Variants in ATP13A4 observed in about 807,000 individuals in gnomAD.
The protein encoded by ATP13A4 is ATPase 13A4, also known as probable cation-transporting ATPase 13A4.
Under a neutral mutation model 142.5 loss-of-function variants are expected in ATP13A4, and 114 were observed. That is an observed-to-expected ratio of 0.80 (90% CI 0.69 to 0.93). The LOEUF (loss-of-function observed/expected upper bound fraction) is 0.93. Among genes scored for constraint, ATP13A4 ranks in the 40% least tolerant of loss-of-function variants. ATP13A4 has a pLI of 0.00. For synonymous variants in ATP13A4, 488 were observed against 514.8 expected, an observed-to-expected ratio of 0.95 and a Z score of 0.70; for missense variants, 1,392 against 1,454.0, an observed-to-expected ratio of 0.96 and a Z score of 0.69.
At chr3:193,561,593 A>T (rs1724018431) in intron 2 of ATP13A4, among the ~76,000 whole-genome samples, 1 of 152,146 alleles carries the variant, frequency 6.6e-6, no homozygotes, top group Non-Finnish European at 1.5e-5. Flanking sequence ...TGGTAATGGG[A>T]AATGTTATTT....
At position 193,439,057 on chromosome 3, in the gene ATP13A4, A is replaced by G. The variant is rs746685890; in HGVS notation, c.2528T>C (p.Val843Ala). ...VEEFQKLDYF[V>A]GMCGDGANDC... ...ATTGGCTCCATCACCACACATACCTACAAAGTAACTAAGAGGGAACCACAT... is the reference window on the plus strand; with the variant it reads ...ATTGGCTCCATCACCACACATACCTGCAAAGTAACTAAGAGGGAACCACAT... The change falls in exon 22 of 30, where the codon GTA becomes GCA. Residue 843 changes from valine (V) to alanine (A), a missense_variant. By Grantham distance (64) the Val-to-Ala change is moderately conservative. Coordinates refer to ENST00000342695, the MANE Select transcript of ATP13A4 (RefSeq NM_032279.4). 1 of 1,607,626 alleles carries G rather than the reference A, an allele frequency of 6.2e-7. No individual in the cohort carries two copies. Among genetic ancestry groups the G allele is most frequent in the South Asian group, 1.1e-5 (1 of 90,952 alleles).
intron 2 of ATP13A4, among the ~76,000 whole-genome samples, chr3:193,512,730 A>G (rs1424735274): frequency 6.6e-6 from 1 of 152,170 alleles, no homozygotes; most frequent in East Asian, 1.9e-4. Context: ...GTCTAAGTAC[A>G]GTGCAATGGA....
chr3:193,561,399 C>T (rs960637222), intron 2 of ATP13A4, among the ~76,000 whole-genome samples: 5 of 152,140 alleles, frequency 3.3e-5, no homozygotes, highest in African/African-American at 1.2e-4. Flanking sequence ...CAAAAGTCCA[C>T]TTAGGATTAT....
At chr3:193,438,616 T>C (rs775046579) in intron 22 of ATP13A4, 32 bp from the exon 23 acceptor site, 6 of 1,552,518 alleles carry the variant, frequency 3.9e-6, no homozygotes, top group African/African-American at 2.7e-5. Flanking sequence ...ACTCCTCACA[T>C]AGACTCACGT....
At chr3:193,491,275 G>T in intron 6 of ATP13A4, 54 bp downstream of exon 6, 1 of 1,366,082 alleles carries the variant, frequency 7.3e-7, no homozygotes, top group Non-Finnish European at 1.0e-6. Context: ...TTTCACTAGA[G>T]CCAAACTTCC....
intron 16 of ATP13A4, among the ~76,000 whole-genome samples, chr3:193,454,952 C>A (rs1388975875): frequency 6.6e-6 from 1 of 152,058 alleles, no homozygotes; most frequent in Non-Finnish European, 1.5e-5. Flanking sequence ...AAAATTTTTG[C>A]AAACTATGCA....
intron 2 of ATP13A4, among the ~76,000 whole-genome samples, chr3:193,571,324 T>G (rs1475939405): frequency 8.1e-6 from 1 of 123,868 alleles, no homozygotes; most frequent in African/African-American, 3.5e-5. Context: ...GAGATACAAA[T>G]AAACAATTGA....
intron 28 of ATP13A4, among the ~76,000 whole-genome samples, chr3:193,408,032 G>A (rs2108600847): frequency 6.6e-6 from 1 of 152,358 alleles, no homozygotes; most frequent in East Asian, 1.9e-4. Flanking sequence ...TTTTCTCTGT[G>A]TCTTCCCCAA....
At chr3:193,496,801 A>AATAC (rs1343689314) in intron 3 of ATP13A4, among the ~76,000 whole-genome samples, 4 of 36,748 alleles carry the variant, frequency 1.1e-4, no homozygotes, top group African/African-American at 2.9e-4. Context: ...AAAATACATA[A>AATAC]ATAAATAAAT....
chr3:193,579,847 A>T (rs1484446388), intron 2 of ATP13A4, among the ~76,000 whole-genome samples: 1 of 152,092 alleles, frequency 6.6e-6, no homozygotes, highest in Non-Finnish European at 1.5e-5. Flanking sequence ...GCCAAGCACT[A>T]CTCTAAGTGC....
In ATP13A4 at chr3:193,479,503, G is replaced by A. The variant is rs1015251962; in HGVS notation, c.808+4433C>T. Among the ~76,000 whole-genome samples the A allele has an allele frequency of 8.6e-5, 13 of 151,982 alleles. 1 individual carries two copies. Among genetic ancestry groups the A allele is most frequent in the Non-Finnish European group, 1.9e-4 (13 of 67,932 alleles). Reference sequence around the variant, plus strand: ...CCAAGCTGAGAAAAAAGTCAAGAACGCAACCTCTTTTCTAATAGCTGCAAA... The same window carrying A: ...CCAAGCTGAGAAAAAAGTCAAGAACACAACCTCTTTTCTAATAGCTGCAAA... On this transcript the variant is annotated intron_variant, in intron 8 of 29. Coordinates refer to ENST00000342695, the MANE Select transcript of ATP13A4 (RefSeq NM_032279.4).
chr3:193,516,319 C>A (rs75167638), intron 1 of ATP13A4, among the ~76,000 whole-genome samples: 2,016 of 152,272 alleles, frequency 0.013, 19 homozygotes, highest in Middle Eastern at 0.061. Flanking sequence ...CATACAGGTG[C>A]CGAATGGCTT....
At chr3:193,476,281 T>C (rs929114677) in intron 8 of ATP13A4, among the ~76,000 whole-genome samples, 2 of 152,124 alleles carry the variant, frequency 1.3e-5, no homozygotes, top group African/African-American at 4.8e-5. Flanking sequence ...TTTTTATGTA[T>C]GGAGATGGCT....
chr3:193,467,452 G>A lies in ATP13A4; in HGVS notation c.978C>T (p.Pro326=). The A allele has an allele frequency of 6.2e-7, 1 of 1,613,774 alleles. No individual in the cohort carries two copies. Among genetic ancestry groups the A allele is most frequent in the East Asian group, 2.2e-5 (1 of 44,870 alleles). The part of the protein sequence containing the change: ...ESIPVTKTPL[P]KMDSSVPWKT... The stretch of plus-strand genomic sequence containing the variant: ...TCCAGGGCACAGAGCTATCCATCTT[G>A]GGTAACGGAGTTTTGGTGACTGGAA... The change falls in exon 10 of 30, where the codon CCC becomes CCT. Residue 326 remains proline, a synonymous_variant. Transcript: ENST00000342695.
At chr3:193,507,644 A>T (rs965321971) in intron 2 of ATP13A4, among the ~76,000 whole-genome samples, 1 of 152,038 alleles carries the variant, frequency 6.6e-6, no homozygotes, top group African/African-American at 2.4e-5. Flanking sequence ...TTTTGGAGGG[A>T]TGGGATTTGG....
At chr3:193,418,993 A>C (rs1304663680) in intron 25 of ATP13A4, 1 of 150,234 alleles carries the variant, frequency 6.7e-6, no homozygotes, top group African/African-American at 2.5e-5. Flanking sequence ...CCACTGTACC[A>C]TGTCCTCTAG....
Position 193,573,757 on chromosome 3 carries a change from C to A in ATP13A4, n.291+7950G>T, listed in dbSNP as rs1724337227. 1.3e-5 allele frequency among the ~76,000 whole-genome samples: 2 copies of A among 152,168 alleles called. 1 individual carries two copies. Among genetic ancestry groups the A allele is most frequent in the South Asian group, 4.1e-4 (2 of 4,824 alleles). On this transcript the variant is annotated intron_variant and non_coding_transcript_variant, in intron 2 of 3. Coordinates refer to the ATP13A4 transcript ENST00000489140. The stretch of plus-strand genomic sequence containing the variant: ...ATCAAATCCCAGCTCTTATATCATT[C>A]ATTCTTCCAAAATCGATTATTTATA...
chr3:193,411,840 G>A (rs568788731), intron 27 of ATP13A4, among the ~76,000 whole-genome samples: 2 of 152,274 alleles, frequency 1.3e-5, no homozygotes, highest in Admixed American at 6.5e-5. Flanking sequence ...GTTCTGTTAC[G>A]CTTCTCTCCA....
chr3:193,464,112 G>C (rs552826913), intron 12 of ATP13A4, among the ~76,000 whole-genome samples: 15 of 152,298 alleles, frequency 9.8e-5, no homozygotes, highest in African/African-American at 3.6e-4. Context: ...ATTAAAGAAA[G>C]AAGTCAACAA....
Sources: gnomAD v4.1 joint callset for allele counts (sites outside exome capture counted in the v4.1 genomes callset) on GRCh38, gnomAD v4.1.1 for gene constraint, MANE v1.5 for transcripts, NCBI Gene and HGNC (gene_info 2026-07-23, HGNC 2026-07-21) for gene names.